The following UGGT1 variants were observed in gnomAD, a reference collection of about 807,000 sequenced individuals.
UGGT1 encodes the protein UDP-glucose:glycoprotein glucosyltransferase 1.
UGGT1 carries 107 observed loss-of-function variants against 203.9 expected under a neutral mutation model. The ratio of observed to expected loss-of-function variants is 0.52; its 90% confidence interval spans 0.45 to 0.62. UGGT1 has a LOEUF of 0.62. Ranked by LOEUF, UGGT1 falls within the 20% of genes least tolerant of loss-of-function variation. UGGT1 has a pLI of 0.00. For synonymous variants in UGGT1, 628 were observed against 653.5 expected, an observed-to-expected ratio of 0.96 and a Z score of 0.59; for missense variants, 1,673 against 1,867.2, an observed-to-expected ratio of 0.90 and a Z score of 1.92.
chr2:128,095,047 C>T (rs1687048319), intron 1 of UGGT1, among the ~76,000 whole-genome samples: 2 of 152,228 alleles, frequency 1.3e-5, no homozygotes, highest in African/African-American at 2.4e-5. Context: ...CTGCGCTGGG[C>T]CAGTCCCAAG....
rs555098308 is a variant in UGGT1, at chr2:128,191,467, C to T, written c.*1725C>T. The stretch of plus-strand genomic sequence containing the variant: ...AAGAGGATAAGAGACTGAAAAGGCA[C>T]CTCAGAATGGCTGCTGTGGGCAGAG... On this transcript the variant is annotated 3_prime_UTR_variant, in exon 41 of 41. Coordinates refer to ENST00000259253, the MANE Select transcript of UGGT1 (RefSeq NM_020120.4). The T allele has an allele frequency of 1.3e-5, 2 of 152,070 alleles. No individual in the cohort carries two copies. The highest frequency in any genetic ancestry group is 2.4e-5 in the African/African-American group (1 of 41,404). 9.4% of individuals were successfully genotyped at this position (152,070 alleles called of 1,614,324 possible).
intron 3 of UGGT1, among the ~76,000 whole-genome samples, chr2:128,105,432 G>A (rs191824150): frequency 1.8e-4 from 28 of 151,744 alleles, no homozygotes; most frequent in African/African-American, 6.8e-4. Context: ...TCCTGCCTTG[G>A]CATTCCAAAG....
intron 39 of UGGT1, 118 bp from the exon 40 acceptor site, chr2:128,187,331 T>G (rs1692029999): frequency 9.0e-7 from 1 of 1,108,892 alleles, no homozygotes; most frequent in African/African-American, 1.6e-5. Context: ...TAGTATATCA[T>G]TTGGTTCCTT....
chr2:128,116,240 A>G, intron 7 of UGGT1, 25 bp from the exon 8 acceptor site: 1 of 1,437,702 alleles, frequency 7.0e-7, no homozygotes, highest in Non-Finnish European at 9.7e-7. Context: ...ATTATTAATA[A>G]TATGTATTTT....
intron 2 of UGGT1, among the ~76,000 whole-genome samples, chr2:128,100,719 G>C (rs546299229): frequency 6.6e-6 from 1 of 152,132 alleles, no homozygotes; most frequent in East Asian, 1.9e-4. Context: ...ACCGCGCCAG[G>C]CCTCTGTTTA....
Position 128,152,779 on chromosome 2 carries a change from TGCAGG to T in UGGT1, c.2017-3_2018del. On this transcript the variant is annotated splice_acceptor_variant and splice_polypyrimidine_tract_variant and coding_sequence_variant and intron_variant, in exon 19 of 41. Transcript: ENST00000259253. LOFTEE classifies it high-confidence loss of function. ...CCCCCTCAACCTCCTTTTTTTTTCT[TGCAGG>T]GTGAACTGCCCCATGATCAAGATGT... is the stretch of plus-strand genomic sequence containing the variant. 4.4e-6 allele frequency: 7 copies of T among 1,593,964 alleles called. No individual in the cohort carries two copies. In the Admixed American group the frequency reaches 5.5e-5, roughly 13 times the overall value.
intron 38 of UGGT1, among the ~76,000 whole-genome samples, chr2:128,185,012 G>T (rs945484163): frequency 6.6e-6 from 1 of 151,972 alleles, no homozygotes; most frequent in African/African-American, 2.4e-5. Context: ...GTGATACCTG[G>T]TATCTTCTAA....
chr2:128,111,775 G>C (rs1443430706), intron 5 of UGGT1, among the ~76,000 whole-genome samples: 1 of 151,874 alleles, frequency 6.6e-6, no homozygotes, highest in Admixed American at 6.6e-5. Context: ...GATTACAGGC[G>C]TGAGCCACCA....
chr2:128,152,871 G>A lies in UGGT1; in HGVS notation c.2104G>A (p.Ala702Thr). The A allele has an allele frequency of 6.2e-7, 1 of 1,613,990 alleles. No homozygotes were observed. The highest frequency in any genetic ancestry group is 8.5e-7 in the Non-Finnish European group (1 of 1,179,998). The change falls in exon 19 of 41, where the codon GCT becomes ACT. Residue 702 changes from alanine to threonine, a missense_variant. Coordinates refer to ENST00000259253, the MANE Select transcript of UGGT1 (RefSeq NM_020120.4). ...VPRINSRILT[A>T]ERDYLDLTAS... ...ACGAATCAATTCTAGGATTTTGACAGCTGAACGAGACTACCTGGATTTAAC... is the reference window on the plus strand; with the variant it reads ...ACGAATCAATTCTAGGATTTTGACAACTGAACGAGACTACCTGGATTTAAC...
chr2:128,172,933 C>A (rs1691187485), intron 29 of UGGT1, among the ~76,000 whole-genome samples, 171 bp downstream of exon 29: 1 of 152,148 alleles, frequency 6.6e-6, no homozygotes, highest in Non-Finnish European at 1.5e-5. Flanking sequence ...TTAACGTGTA[C>A]AGTTGAGAGG....
Position 128,145,854 on chromosome 2 carries a change from C to G in UGGT1, c.1903C>G (p.Leu635Val), listed in dbSNP as rs745498642. The change falls in exon 18 of 41, where the codon CTG becomes GTG. Residue 635 changes from leucine to valine, a missense_variant. Leu to Val is a conservative substitution (Grantham distance 32). Around this residue, in one of 4 missense-constraint regions of UGGT1, gnomAD observed 1,073 missense variants for 1,078.7 expected, o/e 0.99. Transcript: ENST00000259253. ...TGGAGTTGGACCTCTGCCCGTTGTG[C>G]TGTTCAATGGAATGCCCTTTGAAAG... is the stretch of plus-strand genomic sequence containing the variant. Reference protein sequence around the residue: ...QTGVGPLPVVLFNGMPFEREQ... With the variant: ...QTGVGPLPVVVFNGMPFEREQ... The G allele has an allele frequency of 5.6e-6, 9 of 1,613,328 alleles. No individual in the cohort carries two copies. The African/African-American group carries it at 6.7e-5, about 12-fold the overall frequency.
chr2:128,150,174 C>T (rs1025270478), intron 18 of UGGT1, among the ~76,000 whole-genome samples: 7 of 152,184 alleles, frequency 4.6e-5, no homozygotes, highest in Middle Eastern at 3.4e-3. Context: ...TGGTGGCTGA[C>T]GCCTGTAATA....
chr2:128,126,028 C>A (rs76124928), intron 11 of UGGT1, among the ~76,000 whole-genome samples: 2 of 149,354 alleles, frequency 1.3e-5, no homozygotes, highest in Non-Finnish European at 3.0e-5. Context: ...CTGTAACCTT[C>A]GCCTCCCGGT....
chr2:128,160,687 C>G (rs937630579), intron 24 of UGGT1, 96 bp downstream of exon 24: 2 of 1,474,242 alleles, frequency 1.4e-6, no homozygotes, highest in African/African-American at 2.9e-5. Flanking sequence ...CAGAGCCACT[C>G]TTTTTTCAAA....
chr2:128,115,056 T>A, intron 6 of UGGT1, 68 bp from the exon 7 acceptor site: 1 of 1,384,944 alleles, frequency 7.2e-7, no homozygotes, highest in Non-Finnish European at 1.0e-6. Context: ...ATTAACATGG[T>A]CATGCCATGT....
chr2:128,164,873 T>C, intron 26 of UGGT1, 48 bp downstream of exon 26: 14 of 1,398,148 alleles, frequency 1.0e-5, no homozygotes, highest in Non-Finnish European at 1.4e-5. Context: ...TATTAAACTC[T>C]TATGTTTGCT....
At chr2:128,141,653 C>T (rs1185823253) in intron 16 of UGGT1, among the ~76,000 whole-genome samples, 3 of 151,422 alleles carry the variant, frequency 2.0e-5, no homozygotes, top group African/African-American at 4.9e-5. Context: ...CACCATGTCT[C>T]AGCCTCCAGA....
chr2:128,178,971 C>T (rs572570448), intron 34 of UGGT1, among the ~76,000 whole-genome samples: 202 of 152,292 alleles, frequency 1.3e-3, no homozygotes, highest in Middle Eastern at 3.4e-3. Flanking sequence ...TTAGTTCTTA[C>T]ATGTGAACAC....
intron 28 of UGGT1, chr2:128,171,486 C>A: frequency 1.9e-6 from 1 of 535,430 alleles, no homozygotes; most frequent in Non-Finnish European, 3.3e-6. Context: ...GTGGCATTAA[C>A]CCAGGCTGCT....
Sources: allele counts gnomAD v4.1 joint callset (sites outside exome capture counted in the v4.1 genomes callset), GRCh38; gene constraint gnomAD v4.1.1; regional missense constraint gnomAD v4.1.1; transcripts MANE v1.5; gene names NCBI Gene and HGNC (gene_info 2026-07-23, HGNC 2026-07-21).